BBS9: variants seen among roughly 807,000 people sequenced by gnomAD.
BBS9 encodes protein PTHB1.
In BBS9, 89 loss-of-function variants were observed where a neutral mutation model predicts 117.7. The observed-to-expected ratio is 0.76, with a 90% CI of 0.64 to 0.90. The LOEUF (loss-of-function observed/expected upper bound fraction) is 0.90. Ranked by LOEUF, BBS9 falls within the 40% of genes least tolerant of loss-of-function variation. The pLI, the probability that BBS9 is intolerant of heterozygous loss-of-function variation, is 0.00. For missense variants in BBS9, 982 were observed against 1,042.2 expected (o/e 0.94, Z 0.80); for synonymous variants, 379 against 370.9 (o/e 1.02, Z -0.25).
chr7:33,219,544 A>T (rs556904014), intron 5 of BBS9, among the ~76,000 whole-genome samples: 2 of 152,244 alleles, frequency 1.3e-5, no homozygotes, highest in East Asian at 3.9e-4. Flanking sequence ...ACCAGTCAGC[A>T]CCCTGTGTCT....
chr7:33,411,471 G>T (rs1831129737), intron 19 of BBS9, among the ~76,000 whole-genome samples: 1 of 152,120 alleles, frequency 6.6e-6, no homozygotes, highest in African/African-American at 2.4e-5. Flanking sequence ...CTGTCTTCTT[G>T]AAGTAAACCA....
chr7:33,246,261 G>A (rs1176488428), intron 5 of BBS9, among the ~76,000 whole-genome samples: 1 of 150,082 alleles, frequency 6.7e-6, no homozygotes, highest in Non-Finnish European at 1.5e-5. Context: ...TTTAAATCAT[G>A]TTGAAACTCA....
chr7:33,188,323 A>G (rs896644883), intron 5 of BBS9, among the ~76,000 whole-genome samples: 5 of 152,166 alleles, frequency 3.3e-5, no homozygotes, highest in Admixed American at 6.5e-5. Flanking sequence ...TCCTTCTGGT[A>G]TAGTTTGTTC....
rs374870232 is a variant in BBS9 at position 33,227,150 on chromosome 7, C to T, written c.443-30086C>T. Among the ~76,000 whole-genome samples, 929 of 151,022 alleles carry T rather than the reference C, an allele frequency of 6.2e-3. 5 individuals are homozygous for T. Among genetic ancestry groups the T allele is most frequent in the Non-Finnish European group, 0.011 (738 of 67,722 alleles). ...TATATTATGTAATTTGTTTAGGGAC[C>T]TTACAGCCATCAATTTTTTTTTTTT... On this transcript the variant is annotated intron_variant, in intron 5 of 22. Coordinates refer to ENST00000242067, the MANE Select transcript of BBS9 (RefSeq NM_198428.3).
rs748336687 is a variant in BBS9 at position 33,605,220 on chromosome 7, G to A, written c.2658G>A (p.Ser886=). ...RPEVSPLQGV[S]E ...AAGTTTCACCCCTCCAAGGAGTCTCGGAATAATTCAAGTAGAGTTGTTTGG... is the reference window on the plus strand; with the variant it reads ...AAGTTTCACCCCTCCAAGGAGTCTCAGAATAATTCAAGTAGAGTTGTTTGG... The change falls in exon 23 of 23, where the codon TCG becomes TCA. Residue 886 remains serine (S), a synonymous_variant. Transcript: ENST00000242067. 1.2e-5 allele frequency: 20 copies of A among 1,612,440 alleles called. 1 individual carries two copies. The East Asian group carries it at 1.6e-4, about 13-fold the overall frequency.
chr7:33,503,774 A>G (rs1170710209), intron 19 of BBS9, among the ~76,000 whole-genome samples: 1 of 152,008 alleles, frequency 6.6e-6, no homozygotes, highest in Non-Finnish European at 1.5e-5. Context: ...CTCAGACTTT[A>G]ACAGGAGTCC....
At chr7:33,569,822 A>G (rs1857501222) in intron 21 of BBS9, among the ~76,000 whole-genome samples, 1 of 152,210 alleles carries the variant, frequency 6.6e-6, no homozygotes, top group South Asian at 2.1e-4. Context: ...GTGCATGCAC[A>G]TGCATACATA....
At chr7:33,623,002 A>G (rs1865479853) in intron 21 of BBS9, among the ~76,000 whole-genome samples, 1 of 152,226 alleles carries the variant, frequency 6.6e-6, no homozygotes, top group African/African-American at 2.4e-5. Context: ...TTATGACCTC[A>G]GTGCAGTGAA....
At chr7:33,617,002 C>A (rs980199991) in intron 21 of BBS9, among the ~76,000 whole-genome samples, 1 of 151,910 alleles carries the variant, frequency 6.6e-6, no homozygotes, top group Admixed American at 6.6e-5. Context: ...GAGATAATGG[C>A]CTCCAGCTCA....
intron 16 of BBS9, among the ~76,000 whole-genome samples, chr7:33,366,241 A>C (rs190036464): frequency 6.6e-6 from 1 of 152,266 alleles, no homozygotes; most frequent in African/African-American, 2.4e-5. Context: ...GGCTGCTGGG[A>C]ACCATGGAAG....
chr7:33,545,031 TCA>T (rs1462892786), intron 21 of BBS9, among the ~76,000 whole-genome samples: 1 of 152,086 alleles, frequency 6.6e-6, no homozygotes, highest in Non-Finnish European at 1.5e-5. Context: ...AGGGCTGGTC[TCA>T]CACCCACCAT....
At chr7:33,624,437 A>G (rs1585498520) in intron 21 of BBS9, among the ~76,000 whole-genome samples, 3 of 152,260 alleles carry the variant, frequency 2.0e-5, no homozygotes, top group African/African-American at 2.4e-5. Context: ...TAACAATCCC[A>G]TCTGTATCTC....
Position 33,604,925 on chromosome 7 carries a change from C to T in BBS9, c.2582C>T (p.Thr861Ile). Residue 861 changes from threonine to isoleucine, a missense_variant, in exon 22 of 23, where the codon ACA becomes ATA. Physicochemically the swap from Thr to Ile is moderately conservative, Grantham distance 89. Coordinates refer to ENST00000242067, the MANE Select transcript of BBS9 (RefSeq NM_198428.3). Reference protein sequence around the residue: ...LEERSVEQDSTELFTNHRHLT... With the variant: ...LEERSVEQDSIELFTNHRHLT... ...GAAAGATCAGTAGAACAAGACTCTA[C>T]AGAACTGTTTACCAACCACAGACAT... The T allele has an allele frequency of 2.2e-5, 36 of 1,613,838 alleles. No individual in the cohort carries two copies. Among genetic ancestry groups the T allele is most frequent in the Non-Finnish European group, 3.0e-5 (35 of 1,179,826 alleles).
chr7:33,134,420 C>T (rs1790149003), intron 1 of BBS9, among the ~76,000 whole-genome samples: 3 of 151,804 alleles, frequency 2.0e-5, no homozygotes, highest in South Asian at 2.1e-4. Flanking sequence ...TGGAAAAATA[C>T]CTATTCAGAC....
At chr7:33,316,301 A>T (rs1191019998) in intron 9 of BBS9, among the ~76,000 whole-genome samples, 7 of 152,034 alleles carry the variant, frequency 4.6e-5, no homozygotes. Context: ...GTGGCAATTT[A>T]TTTTTCTATT....
At chr7:33,458,441 C>A (rs1250777674) in intron 19 of BBS9, among the ~76,000 whole-genome samples, 1 of 152,058 alleles carries the variant, frequency 6.6e-6, no homozygotes, top group Non-Finnish European at 1.5e-5. Flanking sequence ...AATTTCTAGT[C>A]CATTTGTGGA....
At chr7:33,630,420 A>G (rs12538946) in intron 21 of BBS9, among the ~76,000 whole-genome samples, 10,917 of 152,172 alleles carry the variant, frequency 0.072, 1,046 homozygotes, top group East Asian at 0.4. Flanking sequence ...TTAAACTCCT[A>G]TAATTATGGT....
At chr7:33,457,267 A>G (rs1482297076) in intron 19 of BBS9, among the ~76,000 whole-genome samples, 6 of 152,164 alleles carry the variant, frequency 3.9e-5, no homozygotes, top group African/African-American at 1.4e-4. Flanking sequence ...GAGACCACAT[A>G]TTTTCCTGAG....
chr7:33,390,658 AG>A (rs1826907343), intron 19 of BBS9: 2 of 924,830 alleles, frequency 2.2e-6, no homozygotes, highest in Non-Finnish European at 2.6e-6. Flanking sequence ...CCGTTTAGTC[AG>A]TTTTTTAATG....
Sources: gnomAD v4.1 joint callset for allele counts (sites outside exome capture counted in the v4.1 genomes callset) on GRCh38, gnomAD v4.1.1 for gene constraint, MANE v1.5 for transcripts, NCBI Gene and HGNC (gene_info 2026-07-23, HGNC 2026-07-21) for gene names.